The following JARID2 variants were observed in gnomAD, a reference collection of about 807,000 sequenced individuals.
JARID2 encodes the protein protein Jumonji.
JARID2 carries 21 observed loss-of-function variants against 125.6 expected under a neutral mutation model. That is an observed-to-expected ratio of 0.17 (90% CI 0.12 to 0.24). JARID2 has a LOEUF of 0.24. JARID2 is among the 10% of genes least tolerant of loss of function. The pLI is 1.00. For missense variants in JARID2, 1,303 were observed against 1,639.6 expected (o/e 0.79, Z 3.55); for synonymous variants, 736 against 661.6 (o/e 1.11, Z -1.73).
At chr6:15,425,002 A>G (rs939694959) in intron 3 of JARID2, among the ~76,000 whole-genome samples, 4 of 152,158 alleles carry the variant, frequency 2.6e-5, no homozygotes, top group African/African-American at 7.2e-5. Context: ...AAGATACGTT[A>G]TTTTATTATC....
chr6:15,417,832 A>G (rs1766303679), intron 3 of JARID2, among the ~76,000 whole-genome samples: 1 of 152,366 alleles, frequency 6.6e-6, no homozygotes, highest in East Asian at 1.9e-4. Flanking sequence ...CATTGTCAGT[A>G]TATGTGACAC....
chr6:15,419,659 A>C (rs1045117605), intron 3 of JARID2, among the ~76,000 whole-genome samples: 51 of 152,314 alleles, frequency 3.3e-4, no homozygotes, highest in Admixed American at 9.1e-4. Flanking sequence ...GCTGGGTATA[A>C]AATTTTAGGT....
At chr6:15,437,422 C>CT (rs1336703000) in intron 3 of JARID2, among the ~76,000 whole-genome samples, 16 of 152,128 alleles carry the variant, frequency 1.1e-4, no homozygotes, top group Admixed American at 5.2e-4. Flanking sequence ...ATGCACTGTC[C>CT]TTTACGCTTA....
chr6:15,447,404 A>G, intron 3 of JARID2, among the ~76,000 whole-genome samples: 1 of 152,150 alleles, frequency 6.6e-6, no homozygotes, highest in Non-Finnish European at 1.5e-5. Flanking sequence ...AAAGTAAATT[A>G]CACCATGATT....
intron 3 of JARID2, among the ~76,000 whole-genome samples, chr6:15,413,018 T>TG (rs1765965451): frequency 1.1e-5 from 1 of 91,142 alleles, no homozygotes; most frequent in Non-Finnish European, 2.4e-5. Context: ...GTTTTTTTTT[T>TG]TTTTGTTTTT....
Position 15,355,275 on chromosome 6 carries a change from A to C in JARID2, c.46-18842A>C, listed in dbSNP as rs552860179. Among the ~76,000 whole-genome samples the C allele has an allele frequency of 3.3e-5, 5 of 152,364 alleles. 1 individual carries two copies. In the South Asian group the frequency reaches 1.0e-3, roughly 32 times the overall value. ...AATTGTCAATGAACTTGATAACATC[A>C]AAAAATGCAAGCTGATATTTTGGAT... On this transcript the variant is annotated intron_variant, in intron 1 of 17. Coordinates refer to ENST00000341776, the MANE Select transcript of JARID2 (RefSeq NM_004973.4).
At chr6:15,336,479 A>G (rs1219841532) in intron 1 of JARID2, among the ~76,000 whole-genome samples, 1 of 152,204 alleles carries the variant, frequency 6.6e-6, no homozygotes, top group African/African-American at 2.4e-5. Context: ...ATTTAAGACA[A>G]TATTTGTAAA....
intron 1 of JARID2, among the ~76,000 whole-genome samples, chr6:15,306,807 T>C (rs550491056): frequency 2.0e-4 from 31 of 151,258 alleles, no homozygotes; most frequent in African/African-American, 7.0e-4. Flanking sequence ...TGAAGGAAAA[T>C]GGAAGGTGGG....
chr6:15,386,283 T>C (rs1405557957), intron 2 of JARID2, among the ~76,000 whole-genome samples: 3 of 131,804 alleles, frequency 2.3e-5, no homozygotes, highest in African/African-American at 2.9e-5. Context: ...CCTTTCCCCC[T>C]CTCTCTCCCT....
Position 15,520,166 on chromosome 6 carries a change from G to A in JARID2, c.3656G>A (p.Gly1219Asp), listed in dbSNP as rs1187499308. The A allele has an allele frequency of 6.2e-7, 1 of 1,613,896 alleles. No homozygotes were observed. Among genetic ancestry groups the A allele is most frequent in the South Asian group, 1.1e-5 (1 of 91,066 alleles). The change falls in exon 18 of 18, where the codon GGT becomes GAT. Residue 1219 changes from glycine to aspartate, a missense_variant. Transcript: ENST00000341776. ...CTCAGTAAACCCACACCAAAAAGAG[G>A]TCCCCGCAAGAGAGCGACAGTGGAC... ...NCLSKPTPKR[G>D]PRKRATVDVP...
intron 5 of JARID2, among the ~76,000 whole-genome samples, chr6:15,471,834 A>C (rs1460871109): frequency 6.6e-6 from 1 of 152,118 alleles, no homozygotes; most frequent in Non-Finnish European, 1.5e-5. Context: ...CTCTCACCTA[A>C]AGGAGGGCAT....
At chr6:15,412,998 T>TTG (rs1765949115) in intron 3 of JARID2, among the ~76,000 whole-genome samples, 2 of 115,432 alleles carry the variant, frequency 1.7e-5, no homozygotes, top group Admixed American at 1.9e-4. Context: ...TGGGAAGAGC[T>TTG]TGTGTTTTTG....
At chr6:15,500,885 T>G (rs1770703226) in intron 7 of JARID2, 22 bp from the exon 8 acceptor site, 1 of 1,568,796 alleles carries the variant, frequency 6.4e-7, no homozygotes, top group Non-Finnish European at 8.6e-7. Flanking sequence ...CTGTCCCGTT[T>G]TTTTCCCCTT....
chr6:15,295,826 G>A (rs1473428666), intron 1 of JARID2, among the ~76,000 whole-genome samples: 1 of 152,110 alleles, frequency 6.6e-6, no homozygotes, highest in Non-Finnish European at 1.5e-5. Context: ...ACCATGCACA[G>A]CTAAGTTTTG....
intron 1 of JARID2, among the ~76,000 whole-genome samples, chr6:15,277,882 A>G (rs1196253600): frequency 9.1e-6 from 1 of 110,434 alleles, no homozygotes; most frequent in African/African-American, 3.6e-5. Context: ...AGCAAAAGAA[A>G]TCCTTTTTTT....
intron 1 of JARID2, among the ~76,000 whole-genome samples, chr6:15,362,739 G>A (rs77985085): frequency 3.2e-3 from 491 of 152,296 alleles, no homozygotes; most frequent in African/African-American, 0.011. Flanking sequence ...GGCTGTGTTT[G>A]TAGAGAAAGA....
intron 4 of JARID2, among the ~76,000 whole-genome samples, chr6:15,454,300 G>A (rs953213462): frequency 6.6e-6 from 1 of 152,096 alleles, no homozygotes; most frequent in South Asian, 2.1e-4. Flanking sequence ...TGTTGGGGGG[G>A]AAATTTTGAC....
chr6:15,316,942 T>C (rs1418287541), intron 1 of JARID2, among the ~76,000 whole-genome samples: 11 of 152,198 alleles, frequency 7.2e-5, no homozygotes, highest in Admixed American at 7.2e-4. Flanking sequence ...GTGCTTCAAG[T>C]TGCTTGTGTA....
intron 4 of JARID2, among the ~76,000 whole-genome samples, chr6:15,456,728 A>T (rs543511113): frequency 2.6e-5 from 4 of 152,100 alleles, no homozygotes; most frequent in African/African-American, 9.7e-5. Flanking sequence ...TTTTCTATCT[A>T]GGATATCTAG....
Sources: allele counts gnomAD v4.1 joint callset (sites outside exome capture counted in the v4.1 genomes callset), GRCh38; gene constraint gnomAD v4.1.1; transcripts MANE v1.5; gene names NCBI Gene and HGNC (gene_info 2026-07-23, HGNC 2026-07-21).